Variants in TRIP12 observed in about 807,000 individuals in gnomAD.
TRIP12 encodes E3 ubiquitin-protein ligase TRIP12.
A neutral mutation model predicts 244.2 loss-of-function variants in TRIP12; 25 were observed. The ratio of observed to expected loss-of-function variants is 0.10; its 90% confidence interval spans 0.07 to 0.14. The LOEUF is 0.14. Ranked by LOEUF, TRIP12 falls within the 10% of genes least tolerant of loss-of-function variation. TRIP12 has a pLI of 1.00. For synonymous variants in TRIP12, 905 were observed against 873.1 expected, an observed-to-expected ratio of 1.04 and a Z score of -0.64; for missense variants, 1,677 against 2,486.4, an observed-to-expected ratio of 0.67 and a Z score of 6.92.
At chr2:229,787,411 AG>A in intron 33 of TRIP12, 93 bp downstream of exon 33, 1 of 1,359,640 alleles carries the variant, frequency 7.4e-7, no homozygotes, top group Non-Finnish European at 9.9e-7. Context: ...AAGGCCTCCA[AG>A]ACCAACATGC....
chr2:229,919,019 T>C (rs1577233437), intron 1 of TRIP12, among the ~76,000 whole-genome samples: 2 of 152,222 alleles, frequency 1.3e-5, no homozygotes, highest in South Asian at 4.1e-4. Flanking sequence ...TGGTAGTGTG[T>C]GAATTTCCAA....
At chr2:229,863,739 T>C (rs1239941577) in intron 2 of TRIP12, among the ~76,000 whole-genome samples, 1 of 152,206 alleles carries the variant, frequency 6.6e-6, no homozygotes, top group Admixed American at 6.5e-5. Context: ...CAATCTGGAA[T>C]AGCCAATTAG....
chr2:229,799,043 C>T lies in TRIP12; in HGVS notation c.3314G>A (p.Ser1105Asn). Reference sequence around the variant, plus strand: ...TTTAGGTGACTGAGTAGTGGTGGGGCTTTTAGCTATGAAAAGAAAAAAGAA... The same window carrying T: ...TTTAGGTGACTGAGTAGTGGTGGGGTTTTTAGCTATGAAAAGAAAAAAGAA... ...DDDKVDNQAK[S>N]PTTTQSPKSS... The change falls in exon 23 of 42, where the codon AGC becomes AAC. Residue 1105 changes from serine (S) to asparagine (N), a missense_variant. Physicochemically the swap from Ser to Asn is conservative, Grantham distance 46. Around this residue, in one of 11 missense-constraint regions of TRIP12, gnomAD observed 572 missense variants for 867.8 expected, o/e 0.66. Coordinates refer to ENST00000675903, the MANE Select transcript of TRIP12 (RefSeq NM_001348323.3). The T allele has an allele frequency of 6.2e-7, 1 of 1,612,506 alleles. No individual in the cohort carries two copies.
rs549301059 is a variant in TRIP12, at chr2:229,806,648, T to C, written c.2497-765A>G. Among the ~76,000 whole-genome samples the C allele has an allele frequency of 5.9e-5, 9 of 152,182 alleles. No individual in the cohort carries two copies. In the South Asian group the frequency reaches 1.2e-3, roughly 21 times the overall value. On this transcript the variant is annotated intron_variant, in intron 17 of 41. Transcript: ENST00000675903. ...GAGACCAGGACCACTATTAGCAGGA[T>C]TGGCCTGCTTATACACTGCTTATAT...
At position 229,774,189 on chromosome 2, in the gene TRIP12, C is replaced by T. The variant is rs1167168329; in HGVS notation, c.5602G>A (p.Asp1868Asn). The change falls in exon 38 of 42, where the codon GAT becomes AAT. Residue 1868 changes from aspartate (D) to asparagine (N), a missense_variant. Physicochemically the swap from Asp to Asn is conservative, Grantham distance 23. Coordinates refer to ENST00000675903, the MANE Select transcript of TRIP12 (RefSeq NM_001348323.3). ...TTGGGAAACCCTGGCAGAGTGAAATCCAGTCCTAGATCTTCAACTGAGCAG... is the reference window on the plus strand; with the variant it reads ...TTGGGAAACCCTGGCAGAGTGAAATTCAGTCCTAGATCTTCAACTGAGCAG... ...NGCSVEDLGL[D>N]FTLPGFPNIE... The T allele has an allele frequency of 6.2e-7, 1 of 1,614,030 alleles. No homozygotes were observed. Among genetic ancestry groups the T allele is most frequent in the Non-Finnish European group, 8.5e-7 (1 of 1,180,030 alleles).
Position 229,767,449 on chromosome 2 carries a change from C to T in TRIP12, c.*105G>A. 7.3e-7 allele frequency: 1 copy of T among 1,367,900 alleles called. No individual in the cohort carries two copies. Among genetic ancestry groups the T allele is most frequent in the South Asian group, 1.7e-5 (1 of 58,270 alleles). 84.7% of individuals were successfully genotyped at this position (1,367,900 alleles called of 1,614,324 possible). A position where few individuals can be genotyped will look rare whatever the true frequency, so the allele number is the denominator to read the frequency against. ...AATCTGCAAGCCGTTTTTCCTACAA[C>T]AAGAAGGCGTAACATGTTTCCTTGA... On this transcript the variant is annotated 3_prime_UTR_variant, in exon 42 of 42. Transcript: ENST00000675903.
At chr2:229,863,769 G>A (rs1349754092) in intron 2 of TRIP12, among the ~76,000 whole-genome samples, 3 of 152,170 alleles carry the variant, frequency 2.0e-5, no homozygotes, top group Non-Finnish European at 4.4e-5. Context: ...GTATTCAGAG[G>A]TAAAGGAGCC....
intron 25 of TRIP12, among the ~76,000 whole-genome samples, chr2:229,795,951 A>C (rs995462911): frequency 2.0e-5 from 3 of 152,226 alleles, no homozygotes; most frequent in Non-Finnish European, 2.9e-5. Flanking sequence ...GTTAATACAT[A>C]GGAGAGCTAT....
At chr2:229,782,689 A>C (rs181593437) in intron 34 of TRIP12, among the ~76,000 whole-genome samples, 4 of 152,352 alleles carry the variant, frequency 2.6e-5, no homozygotes, top group African/African-American at 9.6e-5. Context: ...AATGCTTAAT[A>C]AAATGAATGA....
chr2:229,893,410 G>T (rs13389656), intron 1 of TRIP12, among the ~76,000 whole-genome samples: 1 of 151,964 alleles, frequency 6.6e-6, no homozygotes, highest in Non-Finnish European at 1.5e-5. Flanking sequence ...AGGATATACA[G>T]TCTATCACCC....
intron 1 of TRIP12, among the ~76,000 whole-genome samples, chr2:229,889,627 G>C (rs2066857299): frequency 6.6e-6 from 1 of 152,144 alleles, no homozygotes; most frequent in Admixed American, 6.5e-5. Flanking sequence ...CCTCTTAAGG[G>C]TATCAGACTA....
intron 2 of TRIP12, among the ~76,000 whole-genome samples, chr2:229,870,391 G>A (rs1560005752): frequency 6.6e-6 from 1 of 152,224 alleles, no homozygotes; most frequent in Non-Finnish European, 1.5e-5. Flanking sequence ...GACATGACAT[G>A]GTAGCAAGAA....
intron 1 of TRIP12, among the ~76,000 whole-genome samples, chr2:229,885,556 G>A (rs2065842032): frequency 6.6e-6 from 1 of 152,066 alleles, no homozygotes; most frequent in Admixed American, 6.5e-5. Flanking sequence ...AAATGACTAG[G>A]TCCCAGAACC....
intron 1 of TRIP12, among the ~76,000 whole-genome samples, chr2:229,889,479 C>G (rs1237759985): frequency 6.6e-6 from 1 of 152,196 alleles, no homozygotes; most frequent in Non-Finnish European, 1.5e-5. Flanking sequence ...CAAAAGCACA[C>G]AGACAGCAAC....
intron 4 of TRIP12, among the ~76,000 whole-genome samples, chr2:229,843,830 A>G (rs1460772944): frequency 6.6e-6 from 1 of 152,078 alleles, no homozygotes; most frequent in African/African-American, 2.4e-5. Context: ...GTCCAAGGCC[A>G]TAGATTACAC....
At chr2:229,789,940 G>A (rs2041021387) in intron 30 of TRIP12, among the ~76,000 whole-genome samples, 178 bp from the exon 31 acceptor site, 1 of 152,256 alleles carries the variant, frequency 6.6e-6, no homozygotes, top group East Asian at 1.9e-4. Flanking sequence ...TATATAAAGT[G>A]CCTTGGCTTA....
chr2:229,878,908 A>G (rs547947528), intron 2 of TRIP12, among the ~76,000 whole-genome samples: 9 of 151,970 alleles, frequency 5.9e-5, no homozygotes, highest in African/African-American at 1.9e-4. Context: ...ACTTTACTAG[A>G]TAATATGCAT....
At chr2:229,802,201 A>G in intron 21 of TRIP12, 51 bp downstream of exon 21, 1 of 1,463,606 alleles carries the variant, frequency 6.8e-7, no homozygotes. Flanking sequence ...TTAGGTACCA[A>G]AGCAGCGCTA....
chr2:229,872,104 TAAAAAAAAAAAAA>T (rs34496202), intron 2 of TRIP12, among the ~76,000 whole-genome samples: 4,840 of 105,322 alleles, frequency 0.046, 299 homozygotes, highest in African/African-American at 0.16. Flanking sequence ...ACAGATATTG[TAAAAAAAAAAAAA>T]AAAAAAAAAA....
Sources: allele counts gnomAD v4.1 joint callset (sites outside exome capture counted in the v4.1 genomes callset), GRCh38; gene constraint gnomAD v4.1.1; regional missense constraint gnomAD v4.1.1; transcripts MANE v1.5; gene names NCBI Gene and HGNC (gene_info 2026-07-23, HGNC 2026-07-21).